SGO1: variants seen among roughly 807,000 people sequenced by gnomAD.
SGO1 encodes shugoshin 1.
SGO1 carries 39 observed loss-of-function variants against 50.5 expected under a neutral mutation model. That is an observed-to-expected ratio of 0.77 (90% confidence interval 0.60 to 1.01). The LOEUF (loss-of-function observed/expected upper bound fraction) is 1.01, where lower values mean the gene tolerates loss of function less well. Among genes scored for constraint, SGO1 ranks in the 50% least tolerant of loss-of-function variants. SGO1 has a pLI of 0.00. For synonymous variants in SGO1, 191 were observed against 205.1 expected (o/e 0.93, Z 0.59); for missense variants, 638 against 606.0 (o/e 1.05, Z -0.55).
At chr3:20,176,489 G>A (rs1040036072) in intron 5 of SGO1, 112 bp downstream of exon 5, 1 of 672,432 alleles carries the variant, frequency 1.5e-6, no homozygotes, top group Non-Finnish European at 2.5e-6. Flanking sequence ...AATACCAGAT[G>A]AACAAATTTA....
At chr3:20,167,612 A>C (rs1345870651), downstream of SGO1, among the ~76,000 whole-genome samples, 1 of 152,232 alleles carries the variant, frequency 6.6e-6, no homozygotes, top group Non-Finnish European at 1.5e-5. Context: ...ATTAAAACAA[A>C]GAAATAATTT....
rs1441575646 is a variant in SGO1 at position 20,182,008 on chromosome 3, A to C, written c.339+1600T>G. Among the ~76,000 whole-genome samples the C allele has an allele frequency of 3.3e-5, 5 of 152,058 alleles. No individual in the cohort carries two copies. In the East Asian group the frequency reaches 9.7e-4, roughly 29 times the overall value. On this transcript the variant is annotated intron_variant, in intron 3 of 7. Transcript: ENST00000412997. ...TGAGGCACGAGAATCACTTGAACCC[A>C]GGAGGCAGGGGCTCCAGTGAGCTGA... is the stretch of plus-strand genomic sequence containing the variant.
chr3:20,171,134 A>C lies in SGO1; in HGVS notation c.1381T>G (p.Ser461Ala). The C allele has an allele frequency of 6.2e-7, 1 of 1,613,196 alleles. No individual in the cohort carries two copies. ...PVVKIRRLSL[S>A]PKKNKASPAV... ...GGGCTTGCTTTATTCTTTTTTGGAG[A>C]AAGAGAAAGTCTTCTGATTTTCACA... Residue 461 changes from serine to alanine, a missense_variant, in exon 7 of 8, where the codon TCT becomes GCT. Transcript: ENST00000412997.
At chr3:20,180,355 T>C (rs895602357) in intron 3 of SGO1, among the ~76,000 whole-genome samples, 1 of 152,134 alleles carries the variant, frequency 6.6e-6, no homozygotes, top group African/African-American at 2.4e-5. Flanking sequence ...TGTTTTCTTT[T>C]AAAAAGTTCT....
In SGO1 at chr3:20,169,527, C is replaced by G. The variant is rs546066020; in HGVS notation, c.*1177G>C. 7.1e-6 allele frequency: 7 copies of G among 981,848 alleles called. No individual in the cohort carries two copies. The highest frequency in any genetic ancestry group is 8.5e-6 in the Non-Finnish European group (7 of 826,830). 60.8% of individuals were successfully genotyped at this position (981,848 alleles called of 1,614,324 possible). Reference sequence around the variant, plus strand: ...TTGCTCTTTAAAAATGAATAACCTACAAAGTTCTAAAATTTAAAGAGGTAT... The same window carrying G: ...TTGCTCTTTAAAAATGAATAACCTAGAAAGTTCTAAAATTTAAAGAGGTAT... On this transcript the variant is annotated 3_prime_UTR_variant, in exon 8 of 8. Transcript: ENST00000412997.
chr3:20,160,931 C>A, exon 9 of SGO1: 1 of 899,454 alleles, frequency 1.1e-6, no homozygotes, highest in Non-Finnish European at 1.6e-6. Flanking sequence ...GGGAAAGTTG[C>A]TATCTCTAAT....
At chr3:20,172,792 T>TAACAAAAAAAAA in intron 6 of SGO1, among the ~76,000 whole-genome samples, 1 of 98,912 alleles carries the variant, frequency 1.0e-5, no homozygotes, top group African/African-American at 3.7e-5. Flanking sequence ...TCACAAAAAG[T>TAACAAAAAAAAA]AAAAAAAAAA....
At position 20,169,816 on chromosome 3, in the gene SGO1, C is replaced by T. The variant is rs1700536364; in HGVS notation, c.*888G>A. The T allele has an allele frequency of 4.1e-6, 4 of 971,746 alleles. No individual in the cohort carries two copies. The African/African-American group carries it at 5.3e-5, about 13-fold the overall frequency. The allele number at this position is 971,746 out of a possible 1,614,324, so 60.2% of individuals were successfully genotyped here. A position where few individuals can be genotyped will look rare whatever the true frequency, so the allele number is the denominator to read the frequency against. ...CAATTTCTCTAGTCATTTTCCCATA[C>T]ATATTTTATCTGAAAAATTAAATAT... On this transcript the variant is annotated 3_prime_UTR_variant, in exon 8 of 8. Coordinates refer to ENST00000412997, the MANE Select transcript of SGO1 (RefSeq NM_001199251.3).
chr3:20,166,136 A>G (rs187748546), downstream of SGO1, among the ~76,000 whole-genome samples: 116 of 152,308 alleles, frequency 7.6e-4, no homozygotes, highest in Non-Finnish European at 1.0e-3. Context: ...GAAAATAGAC[A>G]AATTGGATTC....
chr3:20,162,126 C>G (rs1190921038), intron 8 of SGO1, among the ~76,000 whole-genome samples: 1 of 152,164 alleles, frequency 6.6e-6, no homozygotes, highest in Non-Finnish European at 1.5e-5. Context: ...CGGGAAAGAG[C>G]TATGCAGAGA....
chr3:20,168,023 A>C (rs1419377447), downstream of SGO1, among the ~76,000 whole-genome samples: 1 of 152,240 alleles, frequency 6.6e-6, no homozygotes, highest in African/African-American at 2.4e-5. Flanking sequence ...CTCAAAAACA[A>C]TATTGAGTTA....
At chr3:20,166,636 AAGT>A (rs955046122), downstream of SGO1, among the ~76,000 whole-genome samples, 31 of 151,946 alleles carry the variant, frequency 2.0e-4, no homozygotes, top group Non-Finnish European at 1.5e-4. Context: ...TGGGAAGAAG[AAGT>A]AGTTCTGGAA....
Position 20,170,667 on chromosome 3 carries a change from G to A in SGO1, c.*37C>T, listed in dbSNP as rs1700617672. 6.5e-7 allele frequency: 1 copy of A among 1,533,072 alleles called. No individual in the cohort carries two copies. Among genetic ancestry groups the A allele is most frequent in the African/African-American group, 1.4e-5 (1 of 71,118 alleles). 95.0% of individuals were successfully genotyped at this position (1,533,072 alleles called of 1,614,324 possible). A position where few individuals can be genotyped will look rare whatever the true frequency, so the allele number is the denominator to read the frequency against. On this transcript the variant is annotated 3_prime_UTR_variant, in exon 8 of 8. Transcript: ENST00000412997. Reference sequence around the variant, plus strand: ...ATCCTCTCCTGAAGCAACAGAAAGAGGTGTAGATTGAATTTAAACAATATC... The same window carrying A: ...ATCCTCTCCTGAAGCAACAGAAAGAAGTGTAGATTGAATTTAAACAATATC...
chr3:20,177,877 T>TTTTA (rs10662477), intron 4 of SGO1, among the ~76,000 whole-genome samples: 3,696 of 151,130 alleles, frequency 0.024, 145 homozygotes, highest in African/African-American at 0.082. Flanking sequence ...AAATATGATA[T>TTTTA]TTTATTTATT....
chr3:20,161,204 G>A, exon 9 of SGO1: 1 of 1,606,258 alleles, frequency 6.2e-7, no homozygotes, highest in African/African-American at 1.3e-5. Flanking sequence ...TTGCTTCTTT[G>A]GCAGGTGATA....
intron 5 of SGO1, among the ~76,000 whole-genome samples, chr3:20,175,724 A>G (rs937409624): frequency 2.0e-5 from 3 of 151,852 alleles, no homozygotes; most frequent in African/African-American, 7.3e-5. Context: ...GCGTGAACCC[A>G]GGAGGCAGAG....
chr3:20,179,369 GCAGA>G (rs1378210737), intron 3 of SGO1, among the ~76,000 whole-genome samples: 5 of 152,142 alleles, frequency 3.3e-5, no homozygotes, highest in African/African-American at 1.2e-4. Context: ...GGAGGCATCA[GCAGA>G]CAGACAGTAC....
At chr3:20,179,132 A>G (rs1363399416) in intron 3 of SGO1, among the ~76,000 whole-genome samples, 3 of 151,978 alleles carry the variant, frequency 2.0e-5, no homozygotes, top group Non-Finnish European at 2.9e-5. Flanking sequence ...AGGGAGAGGA[A>G]AGCCTCTTGT....
In SGO1 at chr3:20,161,203, T is replaced by A; in HGVS notation, c.1588A>T (p.Lys530Ter). Residue 530 changes from lysine (K) to a stop codon, truncating the protein, a stop_gained, in exon 9 of 9, where the codon AAA (lysine) becomes TAA (stop). Transcript: ENST00000263753. LOFTEE classifies it high-confidence loss of function. ...TAATATAAAATAAAAATTGCTTCTT[T>A]GGCAGGTGATACCTCCAGGGCTCCT... 1 of 1,606,884 alleles carries A rather than the reference T, an allele frequency of 6.2e-7. No individual in the cohort carries two copies. Among genetic ancestry groups the A allele is most frequent in the Non-Finnish European group, 8.5e-7 (1 of 1,176,758 alleles).
Sources: allele counts gnomAD v4.1 joint callset (sites outside exome capture counted in the v4.1 genomes callset), GRCh38; gene constraint gnomAD v4.1.1; transcripts MANE v1.5; gene names NCBI Gene and HGNC (gene_info 2026-07-23, HGNC 2026-07-21).